The following MYLK variants were observed in gnomAD, a reference collection of about 807,000 sequenced individuals.
The protein encoded by MYLK is myosin light chain kinase, also known as myosin light chain kinase, smooth muscle.
In MYLK, 106 loss-of-function variants were observed where a neutral mutation model predicts 203.4. The observed-to-expected ratio is 0.52, with a 90% confidence interval of 0.45 to 0.61. The LOEUF (loss-of-function observed/expected upper bound fraction) is 0.61. MYLK is among the 20% of genes least tolerant of loss of function. The pLI is 0.00. For synonymous variants in MYLK, 867 were observed against 959.5 expected (o/e 0.90, Z 1.78); for missense variants, 2,072 against 2,442.3 (o/e 0.85, Z 3.20).
At chr3:123,816,508 T>C (rs1388685675) in intron 3 of MYLK, among the ~76,000 whole-genome samples, 3 of 152,194 alleles carry the variant, frequency 2.0e-5, no homozygotes, top group Non-Finnish European at 2.9e-5. Context: ...AGAGTCAACA[T>C]TAAACCAAGA....
intron 5 of MYLK, among the ~76,000 whole-genome samples, chr3:123,745,721 A>C (rs1464297738): frequency 6.6e-6 from 1 of 152,238 alleles, no homozygotes; most frequent in Non-Finnish European, 1.5e-5. Flanking sequence ...ATCATGGCTC[A>C]GGCCCTGTGC....
At chr3:123,763,120 T>C (rs1251963795) in intron 4 of MYLK, among the ~76,000 whole-genome samples, 1 of 152,222 alleles carries the variant, frequency 6.6e-6, no homozygotes, top group East Asian at 1.9e-4. Flanking sequence ...ACATAGTATA[T>C]TACAATAAAT....
chr3:123,768,904 T>C (rs1003484428), intron 4 of MYLK, among the ~76,000 whole-genome samples: 3 of 152,176 alleles, frequency 2.0e-5, no homozygotes, highest in African/African-American at 7.2e-5. Context: ...ACTCTCCCCC[T>C]CTCTGCCTGC....
intron 2 of MYLK, among the ~76,000 whole-genome samples, chr3:123,873,960 G>A (rs59038754): frequency 0.096 from 14,663 of 152,036 alleles, 1,099 homozygotes; most frequent in East Asian, 0.36. Context: ...TGTTCAATAT[G>A]TATATGCCAA....
intron 3 of MYLK, among the ~76,000 whole-genome samples, chr3:123,796,127 C>A (rs2064977160): frequency 6.6e-6 from 1 of 152,124 alleles, no homozygotes; most frequent in African/African-American, 2.4e-5. Flanking sequence ...GCAATAAAAG[C>A]AAACACTTGT....
intron 23 of MYLK, among the ~76,000 whole-genome samples, chr3:123,661,420 A>C (rs1436363456): frequency 6.6e-6 from 1 of 152,180 alleles, no homozygotes; most frequent in Non-Finnish European, 1.5e-5. Context: ...AAAGTGGATC[A>C]CTAGCACCAA....
intron 27 of MYLK, among the ~76,000 whole-genome samples, chr3:123,644,809 C>T (rs1439587598): frequency 6.6e-6 from 1 of 152,156 alleles, no homozygotes; most frequent in Non-Finnish European, 1.5e-5. Context: ...GAATTTGGGG[C>T]TGAATGTAGA....
chr3:123,662,027 C>T (rs919145120), intron 23 of MYLK, among the ~76,000 whole-genome samples: 7 of 152,194 alleles, frequency 4.6e-5, no homozygotes, highest in African/African-American at 1.7e-4. Flanking sequence ...ACTTCTTCTT[C>T]CCCAGCTGCT....
chr3:123,747,529 A>G (rs1189305792), intron 5 of MYLK, among the ~76,000 whole-genome samples: 3 of 152,162 alleles, frequency 2.0e-5, no homozygotes, highest in African/African-American at 7.2e-5. Context: ...GAATCACTGT[A>G]CTAGGTGGAA....
intron 4 of MYLK, among the ~76,000 whole-genome samples, chr3:123,770,616 G>A (rs2063848672): frequency 6.6e-6 from 1 of 152,198 alleles, no homozygotes; most frequent in African/African-American, 2.4e-5. Flanking sequence ...GTGTGTGAGG[G>A]GGTGATGCCC....
intron 18 of MYLK, among the ~76,000 whole-genome samples, chr3:123,696,488 C>G (rs1560087276): frequency 6.6e-6 from 1 of 151,990 alleles, no homozygotes; most frequent in Non-Finnish European, 1.5e-5. Context: ...TCACCTTCCC[C>G]TAGAAGCCTC....
chr3:123,755,115 C>T (rs1006043452), intron 4 of MYLK, among the ~76,000 whole-genome samples: 18 of 152,242 alleles, frequency 1.2e-4, no homozygotes, highest in African/African-American at 3.9e-4. Flanking sequence ...TCTTCTCCTG[C>T]ACTCCATTAG....
intron 2 of MYLK, among the ~76,000 whole-genome samples, chr3:123,875,707 T>C (rs895924462): frequency 2.0e-5 from 3 of 152,178 alleles, no homozygotes; most frequent in African/African-American, 4.8e-5. Context: ...AAACCTATTA[T>C]GATGCAGCAT....
chr3:123,813,813 T>C (rs2065646582), intron 3 of MYLK, among the ~76,000 whole-genome samples: 1 of 152,036 alleles, frequency 6.6e-6, no homozygotes, highest in South Asian at 2.1e-4. Context: ...GCCCGGACAA[T>C]TCACGGCCTC....
At chr3:123,709,693 A>G (rs1280278086) in intron 14 of MYLK, 63 bp downstream of exon 14, 80 of 1,606,798 alleles carry the variant, frequency 5.0e-5, no homozygotes, top group Non-Finnish European at 6.1e-5. Flanking sequence ...CTCGGAGAGC[A>G]ATACCCATTG....
intron 32 of MYLK, among the ~76,000 whole-genome samples, 176 bp from the exon 33 acceptor site, chr3:123,618,946 G>A (rs2057681952): frequency 6.6e-6 from 1 of 152,212 alleles, no homozygotes; most frequent in Non-Finnish European, 1.5e-5. Flanking sequence ...CTGCCAAATG[G>A]TTTTTGGCAG....
At position 123,700,520 on chromosome 3, in the gene MYLK, G is replaced by A. The variant is rs770331974; in HGVS notation, c.2948C>T (p.Ser983Leu). The part of the protein sequence containing the change: ...PPKPATPDFR[S>L]VLGGKKKLPA... ...TAATTTCTTCTTGCCACCCAGCACTGAGCGAAAATCCGGGGTGGCAGGTTT... is the reference window on the plus strand; with the variant it reads ...TAATTTCTTCTTGCCACCCAGCACTAAGCGAAAATCCGGGGTGGCAGGTTT... The change falls in exon 18 of 34, where the codon TCA (serine) becomes TTA (leucine). Residue 983 changes from serine to leucine, a missense_variant. Ser to Leu is a moderately radical substitution (Grantham distance 145). This residue lies in a region of MYLK where 865 missense variants were observed against 1,016.0 expected (regional missense o/e 0.85). Transcript: ENST00000360304. The A allele has an allele frequency of 1.2e-6, 2 of 1,613,388 alleles. No homozygotes were observed. Among genetic ancestry groups the A allele is most frequent in the South Asian group, 1.1e-5 (1 of 91,036 alleles).
intron 22 of MYLK, among the ~76,000 whole-genome samples, chr3:123,664,623 T>A (rs1159477994): frequency 6.6e-6 from 1 of 152,202 alleles, no homozygotes; most frequent in African/African-American, 2.4e-5. Flanking sequence ...CTCCAGTGGG[T>A]TCTAGCCTCT....
At chr3:123,810,103 C>T (rs1000799490) in intron 3 of MYLK, among the ~76,000 whole-genome samples, 4 of 152,156 alleles carry the variant, frequency 2.6e-5, no homozygotes, top group African/African-American at 9.7e-5. Context: ...ATTACCTGTC[C>T]GCACACCCAT....
Sources: gnomAD v4.1 joint callset for allele counts (sites outside exome capture counted in the v4.1 genomes callset) on GRCh38, gnomAD v4.1.1 for gene constraint, gnomAD v4.1.1 regional missense constraint, MANE v1.5 for transcripts, NCBI Gene and HGNC (gene_info 2026-07-23, HGNC 2026-07-21) for gene names.